The following TRIP12 variants were observed in gnomAD, a reference collection of about 807,000 sequenced individuals.
TRIP12 encodes the protein E3 ubiquitin-protein ligase TRIP12.
In TRIP12, 25 loss-of-function variants were observed where a neutral mutation model predicts 244.2. That is an observed-to-expected ratio of 0.10 (90% CI 0.07 to 0.14). The LOEUF is 0.14. Ranked by LOEUF, TRIP12 falls within the 10% of genes least tolerant of loss-of-function variation. The probability of loss-of-function intolerance (pLI) is 1.00; values close to 1 mark genes in which losing one functional copy is unlikely to be tolerated. For missense variants in TRIP12, 1,677 were observed against 2,486.4 expected (o/e 0.67, Z 6.92); for synonymous variants, 905 against 873.1 (o/e 1.04, Z -0.64).
intron 8 of TRIP12, among the ~76,000 whole-genome samples, chr2:229,827,585 A>G (rs1405935768): frequency 1.3e-5 from 2 of 152,084 alleles, no homozygotes; most frequent in African/African-American, 2.4e-5. Flanking sequence ...TTCTACCTCC[A>G]CATCTTATGT....
intron 4 of TRIP12, among the ~76,000 whole-genome samples, chr2:229,851,144 G>C (rs546884157): frequency 6.6e-6 from 1 of 152,222 alleles, no homozygotes; most frequent in Non-Finnish European, 1.5e-5. Flanking sequence ...GTGCAGCCCC[G>C]GTGCAGGATC....
At chr2:229,810,670 G>C (rs947742653) in intron 15 of TRIP12, among the ~76,000 whole-genome samples, 3 of 152,052 alleles carry the variant, frequency 2.0e-5, no homozygotes, top group Non-Finnish European at 2.9e-5. Flanking sequence ...AACACCAAGG[G>C]CAAACATTTA....
At chr2:229,875,205 G>A (rs2063375421) in intron 2 of TRIP12, among the ~76,000 whole-genome samples, 1 of 152,136 alleles carries the variant, frequency 6.6e-6, no homozygotes, top group Non-Finnish European at 1.5e-5. Context: ...GATGAAGGAT[G>A]GGTGAAAAGG....
chr2:229,860,305 G>T, intron 3 of TRIP12, 101 bp downstream of exon 3: 3 of 1,391,476 alleles, frequency 2.2e-6, no homozygotes, highest in South Asian at 1.5e-5. Context: ...ATGAAAATAT[G>T]TATCAAAACG....
intron 2 of TRIP12, among the ~76,000 whole-genome samples, chr2:229,866,141 G>C (rs1223825580): frequency 6.6e-6 from 1 of 152,190 alleles, no homozygotes; most frequent in Non-Finnish European, 1.5e-5. Flanking sequence ...GAAAAGCCCT[G>C]ACAGTGTGGC....
chr2:229,813,220 A>G (rs541648570), intron 13 of TRIP12, among the ~76,000 whole-genome samples: 45 of 152,298 alleles, frequency 3.0e-4, no homozygotes, highest in Non-Finnish European at 5.9e-4. Flanking sequence ...GCCTCCTCCA[A>G]TGCCTCTCAA....
At chr2:229,791,771 T>G in intron 29 of TRIP12, 95 bp downstream of exon 29, 1 of 1,377,056 alleles carries the variant, frequency 7.3e-7, no homozygotes, top group Non-Finnish European at 1.0e-6. Flanking sequence ...CCCCCTATCC[T>G]TATGAAAGCC....
At chr2:229,882,572 A>T (rs1210760821) in intron 1 of TRIP12, among the ~76,000 whole-genome samples, 1 of 152,190 alleles carries the variant, frequency 6.6e-6, no homozygotes, top group Non-Finnish European at 1.5e-5. Flanking sequence ...TTCATGTTAG[A>T]AATTTCTCTA....
At chr2:229,858,476 T>C (rs904759599) in intron 4 of TRIP12, among the ~76,000 whole-genome samples, 1 of 152,172 alleles carries the variant, frequency 6.6e-6, no homozygotes, top group Non-Finnish European at 1.5e-5. Flanking sequence ...TTATGTCCCA[T>C]CCTGATATTA....
chr2:229,916,147 T>C (rs1315994885), intron 1 of TRIP12, among the ~76,000 whole-genome samples: 5 of 152,330 alleles, frequency 3.3e-5, no homozygotes, highest in Non-Finnish European at 5.9e-5. Flanking sequence ...ACAGAATGTC[T>C]AGCATATAAA....
At chr2:229,864,004 A>AG (rs1559954221) in intron 2 of TRIP12, among the ~76,000 whole-genome samples, 838 of 81,124 alleles carry the variant, frequency 0.01, 3 homozygotes, top group Admixed American at 0.024. Flanking sequence ...ATTTGGGTGA[A>AG]AGAGAGAGAG....
In TRIP12 at chr2:229,829,943, G is replaced by A. The variant is rs967571900; in HGVS notation, c.1355-655C>T. The stretch of plus-strand genomic sequence containing the variant: ...CAGCCTGGGCAACAGAGTGAGATTC[G>A]GTCTCAAAACAATCAAACAAACAAA... On this transcript the variant is annotated intron_variant, in intron 7 of 41. Coordinates refer to ENST00000675903, the MANE Select transcript of TRIP12 (RefSeq NM_001348323.3). 5.3e-5 allele frequency among the ~76,000 whole-genome samples: 8 copies of A among 152,064 alleles called. No homozygotes were observed. In the South Asian group the frequency reaches 1.7e-3, roughly 32 times the overall value.
intron 2 of TRIP12, among the ~76,000 whole-genome samples, chr2:229,863,056 C>T (rs564424817): frequency 6.6e-6 from 1 of 151,932 alleles, no homozygotes; most frequent in South Asian, 2.1e-4. Context: ...GGTGAAACCC[C>T]GTCTCTAATA....
intron 1 of TRIP12, among the ~76,000 whole-genome samples, chr2:229,886,519 T>A (rs1293076607): frequency 6.6e-6 from 1 of 151,764 alleles, no homozygotes; most frequent in Admixed American, 6.6e-5. Flanking sequence ...TGGAGTGCAA[T>A]GGCGCGATCT....
intron 1 of TRIP12, among the ~76,000 whole-genome samples, chr2:229,895,674 T>C (rs962791181): frequency 6.6e-6 from 1 of 150,786 alleles, no homozygotes; most frequent in Non-Finnish European, 1.5e-5. Context: ...GAGAAATTCA[T>C]ATATAAGTTT....
chr2:229,807,257 C>A (rs115404347), intron 17 of TRIP12: 2 of 182,294 alleles, frequency 1.1e-5, no homozygotes, highest in African/African-American at 4.8e-5. Flanking sequence ...TACAAGCCTA[C>A]GTGTATCACA....
At chr2:229,771,681 T>C in intron 38 of TRIP12, 49 bp from the exon 39 acceptor site, 1 of 1,435,318 alleles carries the variant, frequency 7.0e-7, no homozygotes, top group South Asian at 1.2e-5. Context: ...TCAAATCTCT[T>C]TACTATTTAA....
At chr2:229,847,161 G>A (rs892433821) in intron 4 of TRIP12, among the ~76,000 whole-genome samples, 1 of 152,078 alleles carries the variant, frequency 6.6e-6, no homozygotes, top group Non-Finnish European at 1.5e-5. Flanking sequence ...CTTAATTAGG[G>A]TACATCCATA....
At chr2:229,803,906 T>C in intron 19 of TRIP12, 93 bp downstream of exon 19, 1 of 1,158,832 alleles carries the variant, frequency 8.6e-7, no homozygotes, top group Non-Finnish European at 1.2e-6. Context: ...CAAATTTTTG[T>C]GCATATTTTT....
Sources: allele counts gnomAD v4.1 joint callset (sites outside exome capture counted in the v4.1 genomes callset), GRCh38; gene constraint gnomAD v4.1.1; transcripts MANE v1.5; gene names NCBI Gene and HGNC (gene_info 2026-07-23, HGNC 2026-07-21).